The following GCNT2 variants were observed in gnomAD, a reference collection of about 807,000 sequenced individuals.
GCNT2 encodes glucosaminyl (N-acetyl) transferase 2 (I blood group).
A neutral mutation model predicts 34.2 loss-of-function variants in GCNT2; 34 were observed. The observed-to-expected ratio is 1.00, with a 90% CI of 0.76 to 1.32. GCNT2 has a LOEUF of 1.32. Ranked by LOEUF, GCNT2 falls within the 40% of genes most tolerant of loss-of-function variation. The probability of loss-of-function intolerance (pLI) is 0.00; values close to 1 mark genes in which losing one functional copy is unlikely to be tolerated. For synonymous variants in GCNT2, 212 were observed against 188.0 expected, an observed-to-expected ratio of 1.13 and a Z score of -1.04; for missense variants, 584 against 489.4, an observed-to-expected ratio of 1.19 and a Z score of -1.82.
chr6:10,582,320 TA>T (rs1561816381), intron 3 of GCNT2, among the ~76,000 whole-genome samples: 2 of 107,340 alleles, frequency 1.9e-5, no homozygotes, highest in Non-Finnish European at 3.2e-5. Context: ...ATAGTAATAT[TA>T]AATATAATAT....
chr6:10,628,886 G>C lies in GCNT2; in HGVS notation c.*2279G>C, dbSNP rs1766375788. On this transcript the variant is annotated 3_prime_UTR_variant, in exon 5 of 5. Transcript: ENST00000495262. ...AAAATATAAAAATTAGCCGGGCTTT[G>C]TGGCATGTGCCTGTAATCCCAGCTA... 1 of 152,302 alleles carries C rather than the reference G, an allele frequency of 6.6e-6. No homozygotes were observed. The highest frequency in any genetic ancestry group is 2.4e-5 in the African/African-American group (1 of 41,472). The allele number at this position is 152,302 out of a possible 1,614,324, so 9.4% of individuals were successfully genotyped here.
chr6:10,597,409 C>T (rs567068178), intron 3 of GCNT2, among the ~76,000 whole-genome samples: 18 of 152,082 alleles, frequency 1.2e-4, no homozygotes, highest in African/African-American at 3.4e-4. Flanking sequence ...CTTGCCTCAG[C>T]CCCCCAGAGT....
intron 3 of GCNT2, among the ~76,000 whole-genome samples, chr6:10,565,463 T>A (rs1485324722): frequency 2.0e-5 from 3 of 152,170 alleles, no homozygotes; most frequent in Non-Finnish European, 4.4e-5. Context: ...GAGCCAATAA[T>A]TCACGATTTT....
chr6:10,532,854 T>C (rs1266079866), intron 3 of GCNT2, among the ~76,000 whole-genome samples: 2 of 151,870 alleles, frequency 1.3e-5, no homozygotes, highest in Non-Finnish European at 2.9e-5. Context: ...TATGTGGAGA[T>C]CTGAGCCATT....
intron 3 of GCNT2, among the ~76,000 whole-genome samples, chr6:10,594,559 G>T (rs1320587589): frequency 6.6e-6 from 1 of 152,130 alleles, no homozygotes; most frequent in Non-Finnish European, 1.5e-5. Context: ...AATAATGATG[G>T]CTACTTAGTA....
intron 3 of GCNT2, among the ~76,000 whole-genome samples, chr6:10,545,577 C>T (rs904205598): frequency 4.6e-5 from 7 of 152,210 alleles, no homozygotes; most frequent in Admixed American, 3.9e-4. Context: ...TCGTTGCAAT[C>T]CTAACCTCCT....
intron 3 of GCNT2, among the ~76,000 whole-genome samples, chr6:10,537,968 G>A (rs1396681372): frequency 6.6e-6 from 1 of 151,974 alleles, no homozygotes; most frequent in Non-Finnish European, 1.5e-5. Context: ...ATAGCTGACC[G>A]GGAGCTGGGG....
intron 3 of GCNT2, among the ~76,000 whole-genome samples, chr6:10,601,834 A>G (rs1765096831): frequency 6.6e-6 from 1 of 151,030 alleles, no homozygotes; most frequent in Admixed American, 6.6e-5. Context: ...CCAGCTACTC[A>G]GGAGGCTGAG....
At chr6:10,605,872 G>A (rs934397993) in intron 3 of GCNT2, among the ~76,000 whole-genome samples, 2 of 152,006 alleles carry the variant, frequency 1.3e-5, no homozygotes, top group Non-Finnish European at 2.9e-5. Context: ...TCTGATCAAG[G>A]CCAGCTCCAC....
chr6:10,600,622 A>T (rs1765051950), intron 3 of GCNT2, among the ~76,000 whole-genome samples: 1 of 152,058 alleles, frequency 6.6e-6, no homozygotes, highest in Non-Finnish European at 1.5e-5. Flanking sequence ...CCGGAAAGTC[A>T]TATTTTTATC....
At chr6:10,538,690 A>T in intron 3 of GCNT2, among the ~76,000 whole-genome samples, 1 of 151,820 alleles carries the variant, frequency 6.6e-6, no homozygotes, top group East Asian at 1.9e-4. Flanking sequence ...AATTGCCCCA[A>T]TATGTAGTTT....
rs1039432634 is a variant in GCNT2, at chr6:10,538,644, G to T, written c.925+8808G>T. On this transcript the variant is annotated intron_variant, in intron 3 of 4. Transcript: ENST00000495262. ...CTGCTAATGATTTTGACTTTTTTTT[G>T]AGTTTATAAAAAGATTGTAATTTCC... 1.1e-4 allele frequency among the ~76,000 whole-genome samples: 17 copies of T among 151,104 alleles called. 1 individual carries two copies. Among genetic ancestry groups the T allele is most frequent in the African/African-American group, 3.9e-4 (16 of 41,230 alleles).
At chr6:10,541,761 C>G (rs1762043377) in intron 3 of GCNT2, among the ~76,000 whole-genome samples, 2 of 152,128 alleles carry the variant, frequency 1.3e-5, no homozygotes, top group Admixed American at 1.3e-4. Context: ...TGCCTTTGAG[C>G]TAGTTTTCCC....
intron 3 of GCNT2, among the ~76,000 whole-genome samples, chr6:10,594,690 A>T (rs1241723407): frequency 1.3e-5 from 2 of 152,246 alleles, no homozygotes; most frequent in African/African-American, 4.8e-5. Context: ...TCCTACACTA[A>T]TGAGATCCTC....
chr6:10,581,840 A>C (rs1461546331), intron 3 of GCNT2: 2 of 984,994 alleles, frequency 2.0e-6, no homozygotes, highest in Non-Finnish European at 2.4e-6. Flanking sequence ...CAAATTTTAC[A>C]GAAAAGGGTG....
intron 3 of GCNT2, among the ~76,000 whole-genome samples, chr6:10,608,146 C>T (rs973019611): frequency 1.4e-5 from 2 of 146,824 alleles, no homozygotes; most frequent in African/African-American, 5.1e-5. Flanking sequence ...GGCACGATCT[C>T]GGCTCACTGC....
intron 1 of GCNT2, among the ~76,000 whole-genome samples, chr6:10,523,426 CAAAA>C (rs1761022549): frequency 1.2e-5 from 1 of 82,674 alleles, no homozygotes; most frequent in Non-Finnish European, 2.4e-5. Context: ...AACTCCGTCT[CAAAA>C]GAAAAAAAAA....
chr6:10,557,237 G>T (rs746172972), intron 3 of GCNT2: 9 of 1,595,468 alleles, frequency 5.6e-6, no homozygotes, highest in African/African-American at 1.4e-5. Context: ...AAGAGAGTTT[G>T]CCAACTTTGT....
At chr6:10,608,381 T>C (rs991905794) in intron 3 of GCNT2, among the ~76,000 whole-genome samples, 1 of 152,182 alleles carries the variant, frequency 6.6e-6, no homozygotes, top group Admixed American at 6.5e-5. Flanking sequence ...CCTGGCGATA[T>C]GCACATTTTT....
Sources: gnomAD v4.1 joint callset for allele counts (sites outside exome capture counted in the v4.1 genomes callset) on GRCh38, gnomAD v4.1.1 for gene constraint, MANE v1.5 for transcripts, NCBI Gene and HGNC (gene_info 2026-07-23, HGNC 2026-07-21) for gene names.